Variants in PTPRN2 observed in about 807,000 individuals in gnomAD.
The protein encoded by PTPRN2 is receptor-type tyrosine-protein phosphatase N2.
In PTPRN2, 74 loss-of-function variants were observed where a neutral mutation model predicts 118.8. The observed-to-expected ratio is 0.62, with a 90% CI of 0.52 to 0.76. The LOEUF (loss-of-function observed/expected upper bound fraction) is 0.76. Ranked by LOEUF, PTPRN2 falls within the 30% of genes least tolerant of loss-of-function variation. The pLI, the probability that PTPRN2 is intolerant of heterozygous loss-of-function variation, is 0.00. For synonymous variants in PTPRN2, 641 were observed against 608.0 expected, an observed-to-expected ratio of 1.05 and a Z score of -0.80; for missense variants, 1,481 against 1,394.4, an observed-to-expected ratio of 1.06 and a Z score of -0.99.
At chr7:158,124,858 C>T (rs1369208267) in intron 9 of PTPRN2, among the ~76,000 whole-genome samples, 1 of 152,198 alleles carries the variant, frequency 6.6e-6, no homozygotes, top group Non-Finnish European at 1.5e-5. Flanking sequence ...GGTGACGGGG[C>T]CAGATTTGGT....
chr7:158,149,793 G>C (rs1273043655), intron 6 of PTPRN2, among the ~76,000 whole-genome samples: 2 of 136,884 alleles, frequency 1.5e-5, no homozygotes, highest in Admixed American at 1.5e-4. Context: ...GACAGAGCAA[G>C]AGTCCATCTC....
intron 2 of PTPRN2, among the ~76,000 whole-genome samples, chr7:158,351,304 C>T (rs1424039366): frequency 2.0e-5 from 3 of 152,126 alleles, no homozygotes. Flanking sequence ...TTCCCCAGCT[C>T]CCTCCTACTG....
At chr7:158,308,722 TTAAA>T (rs1328758679) in intron 3 of PTPRN2, among the ~76,000 whole-genome samples, 2 of 152,034 alleles carry the variant, frequency 1.3e-5, no homozygotes, top group Non-Finnish European at 2.9e-5. Flanking sequence ...GTTAATAAAA[TTAAA>T]TAATATTAAT....
chr7:157,812,401 G>GAGC (rs201633788), intron 12 of PTPRN2, among the ~76,000 whole-genome samples: 2,743 of 152,180 alleles, frequency 0.018, 87 homozygotes, highest in African/African-American at 0.062. Flanking sequence ...GGAGGTGAGG[G>GAGC]AGGAGGGTGG....
chr7:158,208,562 A>C (rs1180263680), intron 3 of PTPRN2, among the ~76,000 whole-genome samples: 1 of 152,232 alleles, frequency 6.6e-6, no homozygotes, highest in Non-Finnish European at 1.5e-5. Context: ...ACAAAAATGC[A>C]TTTCAAATAT....
intron 12 of PTPRN2, among the ~76,000 whole-genome samples, chr7:157,708,923 C>T (rs1344319328): frequency 1.3e-5 from 2 of 152,240 alleles, no homozygotes; most frequent in Non-Finnish European, 2.9e-5. Context: ...CTCCCAGCTA[C>T]TCTTCTCTAC....
chr7:157,568,101 T>C lies in PTPRN2; in HGVS notation c.2902+801A>G, dbSNP rs114956176. 9.3e-3 allele frequency among the ~76,000 whole-genome samples: 1,416 copies of C among 152,206 alleles called. 21 individuals are homozygous for C. The highest frequency in any genetic ancestry group is 0.032 in the African/African-American group (1,334 of 41,520). On this transcript the variant is annotated intron_variant, in intron 21 of 22. Transcript: ENST00000389418. ...ATCCCCATGCTTTTGTAGGAGAAAA[T>C]TGGATCCCAGAGAGGTTAAAAGCTC...
intron 2 of PTPRN2, among the ~76,000 whole-genome samples, chr7:158,332,418 G>C (rs4909184): frequency 0.17 from 21,678 of 126,680 alleles, 1,204 homozygotes; most frequent in Middle Eastern, 0.23. Flanking sequence ...CTCAACATAA[G>C]AGCTGACACC....
chr7:158,358,697 C>A (rs764126260), intron 2 of PTPRN2, among the ~76,000 whole-genome samples: 1 of 152,194 alleles, frequency 6.6e-6, no homozygotes, highest in East Asian at 1.9e-4. Flanking sequence ...CTTTAGCGTT[C>A]GGCTGCAGCC....
intron 10 of PTPRN2, among the ~76,000 whole-genome samples, chr7:158,090,993 TGAA>T (rs1311263714): frequency 6.6e-6 from 1 of 152,212 alleles, no homozygotes; most frequent in Non-Finnish European, 1.5e-5. Flanking sequence ...CGGTTGAGAA[TGAA>T]GAAGATGAAC....
In PTPRN2 at chr7:157,691,948, G is replaced by A. The variant is rs560012804; in HGVS notation, c.1789-9011C>T. 2.0e-5 allele frequency among the ~76,000 whole-genome samples: 3 copies of A among 152,062 alleles called. No individual in the cohort carries two copies. The South Asian group carries it at 6.2e-4, about 32-fold the overall frequency. On this transcript the variant is annotated intron_variant, in intron 12 of 22. Coordinates refer to ENST00000389418, the MANE Select transcript of PTPRN2 (RefSeq NM_002847.5). ...AGGTTGGGGCACCCCGGTGCGCGGC[G>A]CCCCCGCGGAGCTGGCGAGAGCCGG...
At chr7:157,582,388 G>T (rs756378143) in intron 17 of PTPRN2, among the ~76,000 whole-genome samples, 4 of 152,208 alleles carry the variant, frequency 2.6e-5, no homozygotes, top group Non-Finnish European at 5.9e-5. Context: ...TGGCCCGCAC[G>T]TATGTGAAAA....
intron 11 of PTPRN2, among the ~76,000 whole-genome samples, chr7:158,016,538 C>T (rs933465605): frequency 6.6e-6 from 1 of 152,228 alleles, no homozygotes. Context: ...GATTAGCAGA[C>T]CCAACGGTCT....
chr7:157,778,287 G>A (rs765797437), intron 12 of PTPRN2, among the ~76,000 whole-genome samples: 5 of 152,150 alleles, frequency 3.3e-5, no homozygotes, highest in South Asian at 2.1e-4. Flanking sequence ...TACAGGTGTC[G>A]AATGCCCACG....
chr7:158,138,599 G>A, intron 6 of PTPRN2, 84 bp from the exon 7 acceptor site: 1 of 1,309,950 alleles, frequency 7.6e-7, no homozygotes, highest in Non-Finnish European at 1.1e-6. Flanking sequence ...GGTGTGGTGG[G>A]CGTCTGCGGC....
At chr7:157,828,451 C>T (rs1807332526) in intron 12 of PTPRN2, among the ~76,000 whole-genome samples, 1 of 152,226 alleles carries the variant, frequency 6.6e-6, no homozygotes, top group Admixed American at 6.5e-5. Context: ...GACCACTTCC[C>T]TGCCCCAGAG....
intron 11 of PTPRN2, among the ~76,000 whole-genome samples, chr7:157,997,860 TGGG>T (rs1804879020): frequency 1.8e-5 from 1 of 56,676 alleles, no homozygotes; most frequent in African/African-American, 7.2e-5. Context: ...AGTGCAGGGC[TGGG>T]GGAGAGTAGT....
At chr7:157,888,980 A>G (rs1364470333) in intron 12 of PTPRN2, among the ~76,000 whole-genome samples, 1 of 152,232 alleles carries the variant, frequency 6.6e-6, no homozygotes, top group Non-Finnish European at 1.5e-5. Flanking sequence ...GGAAAACCTC[A>G]CTGGGTAAGG....
Position 158,526,928 on chromosome 7 carries a change from G to A in PTPRN2, c.113-37143C>T, listed in dbSNP as rs1421449194. ...TAGGGAGACTGAGCCAATTCATACA[G>A]TGGATTCCGCCACTTTCTTTCTAAC... On this transcript the variant is annotated intron_variant, in intron 1 of 22. Transcript: ENST00000389418. The surrounding 1 kb of genome is among the most constrained non-coding windows in gnomAD (Gnocchi z 5.2). 6.6e-6 allele frequency among the ~76,000 whole-genome samples: 1 copy of A among 152,162 alleles called. No homozygotes were observed. The highest frequency in any genetic ancestry group is 1.9e-4 in the East Asian group (1 of 5,178).
Sources: gnomAD v4.1 joint callset for allele counts (sites outside exome capture counted in the v4.1 genomes callset) on GRCh38, gnomAD v4.1.1 for gene constraint, Gnocchi (gnomAD v3.1) non-coding constraint, MANE v1.5 for transcripts, NCBI Gene and HGNC (gene_info 2026-07-23, HGNC 2026-07-21) for gene names.